The following SEMA3A variants were observed in gnomAD, a reference collection of about 807,000 sequenced individuals.
SEMA3A encodes the protein semaphorin-3A.
In SEMA3A, 29 loss-of-function variants were observed where a neutral mutation model predicts 97.9. That is an observed-to-expected ratio of 0.30 (90% confidence interval 0.22 to 0.40). The LOEUF is 0.40. SEMA3A is among the 10% of genes least tolerant of loss of function. SEMA3A has a pLI of 1.00. For synonymous variants in SEMA3A, 321 were observed against 323.7 expected (o/e 0.99, Z 0.09); for missense variants, 763 against 951.3 (o/e 0.80, Z 2.60).
intron 4 of SEMA3A, among the ~76,000 whole-genome samples, chr7:84,095,745 G>C (rs974530895): frequency 5.9e-5 from 9 of 151,448 alleles, no homozygotes; most frequent in Non-Finnish European, 1.3e-4. Context: ...TGTTCAGGTT[G>C]CTTCTCTAAT....
Position 83,958,189 on chromosome 7 carries a change from C to T in SEMA3A, c.*3182G>A, listed in dbSNP as rs1788339647. 6.6e-6 allele frequency: 1 copy of T among 152,400 alleles called. No homozygotes were observed. The highest frequency in any genetic ancestry group is 2.1e-4 in the South Asian group (1 of 4,816). The allele number at this position is 152,400 out of a possible 1,614,324, so 9.4% of individuals were successfully genotyped here. ...TAAAGGGCATAAAAATTCACATCAT[C>T]ACCATAAATATAGAACCCAGTTTAC... is the stretch of plus-strand genomic sequence containing the variant. On this transcript the variant is annotated 3_prime_UTR_variant, in exon 17 of 17. Transcript: ENST00000265362.
intron 6 of SEMA3A, among the ~76,000 whole-genome samples, chr7:84,041,121 T>A (rs1792119868): frequency 6.6e-6 from 1 of 152,046 alleles, no homozygotes; most frequent in African/African-American, 2.4e-5. Context: ...TAAAACCAGT[T>A]TTCAAATATA....
upstream of SEMA3A, among the ~76,000 whole-genome samples, chr7:84,199,112 A>C (rs78605173): frequency 0.057 from 8,724 of 152,280 alleles, 271 homozygotes; most frequent in Non-Finnish European, 0.071. Context: ...TTTGTGAGAT[A>C]GCCGTCTAAG....
At chr7:84,068,275 G>A (rs985552025) in intron 4 of SEMA3A, among the ~76,000 whole-genome samples, 1 of 146,258 alleles carries the variant, frequency 6.8e-6, no homozygotes, top group Non-Finnish European at 1.5e-5. Flanking sequence ...GACTGTTGTG[G>A]GGTGGGGTGA....
chr7:84,477,660 A>G (rs188543993), intron 1 of SEMA3A, among the ~76,000 whole-genome samples: 2 of 152,248 alleles, frequency 1.3e-5, no homozygotes, highest in Admixed American at 6.5e-5. Flanking sequence ...TAACTAAGAT[A>G]TATTTCCATA....
intron 1 of SEMA3A, among the ~76,000 whole-genome samples, chr7:84,173,584 T>A (rs74954595): frequency 2.8e-5 from 4 of 142,726 alleles, no homozygotes; most frequent in African/African-American, 1.1e-4. Flanking sequence ...AAAAAAAAAA[T>A]TTACAAAAAT....
At chr7:84,453,763 T>C (rs1383235801) in intron 1 of SEMA3A, among the ~76,000 whole-genome samples, 1 of 152,118 alleles carries the variant, frequency 6.6e-6, no homozygotes, top group East Asian at 1.9e-4. Flanking sequence ...CTGCCTTTCT[T>C]TGCAAAAAAA....
chr7:84,065,833 C>A (rs1045970480), intron 4 of SEMA3A, among the ~76,000 whole-genome samples: 7 of 151,812 alleles, frequency 4.6e-5, no homozygotes, highest in South Asian at 2.1e-4. Context: ...CTGAATTCTA[C>A]CAGAGGTACG....
chr7:84,408,984 T>C (rs1386916381), intron 1 of SEMA3A, among the ~76,000 whole-genome samples: 2 of 151,660 alleles, frequency 1.3e-5, no homozygotes, highest in Non-Finnish European at 2.9e-5. Flanking sequence ...ACATGGCACA[T>C]GTATACATAT....
Position 84,102,611 on chromosome 7 carries a change from T to A in SEMA3A, c.453+7859A>T, listed in dbSNP as rs928394938. On this transcript the variant is annotated intron_variant, in intron 4 of 16. Transcript: ENST00000265362. ...CGCTTTTTTTTTTTTTTTTTTTTTTTAACAGAGTCTCACTCTTGTTGCCCA... is the reference window on the plus strand; with the variant it reads ...CGCTTTTTTTTTTTTTTTTTTTTTTAAACAGAGTCTCACTCTTGTTGCCCA... 5.9e-5 allele frequency among the ~76,000 whole-genome samples: 7 copies of A among 118,688 alleles called. No individual in the cohort carries two copies. In the East Asian group the frequency reaches 1.2e-3, roughly 21 times the overall value. The allele number at this position is 118,688 out of a possible 152,430, so 77.9% of individuals were successfully genotyped here. A position where few individuals can be genotyped will look rare whatever the true frequency, so the allele number is the denominator to read the frequency against.
chr7:84,334,906 A>G (rs931707715), intron 2 of SEMA3A, among the ~76,000 whole-genome samples: 2 of 150,720 alleles, frequency 1.3e-5, no homozygotes, highest in African/African-American at 4.9e-5. Flanking sequence ...TTCTACTTAG[A>G]CTACCCCCTC....
In SEMA3A at chr7:84,091,167, G is replaced by GGAAGGAAA. The variant is rs1554324917; in HGVS notation, c.453+19302_453+19303insTTTCCTTC. Among the ~76,000 whole-genome samples, 118 of 42,866 alleles carry GGAAGGAAA rather than the reference G, an allele frequency of 2.8e-3. 1 individual carries two copies. The highest frequency in any genetic ancestry group is 3.3e-3 in the African/African-American group (43 of 12,922). The allele number at this position is 42,866 out of a possible 152,430, so 28.1% of individuals were successfully genotyped here. ...AGGAAGGAAGGAAGGAAGGAAGGAAGGAAAGAAAGAAAGAAAGAAAGAAAG... is the reference window on the plus strand; with the variant it reads ...AGGAAGGAAGGAAGGAAGGAAGGAAGGAAGGAAAGAAAGAAAGAAAGAAAGAAAGAAAG... On this transcript the variant is annotated intron_variant, in intron 4 of 16. Coordinates refer to ENST00000265362, the MANE Select transcript of SEMA3A (RefSeq NM_006080.3).
chr7:84,479,348 C>T (rs539017974), intron 1 of SEMA3A, among the ~76,000 whole-genome samples: 1 of 152,232 alleles, frequency 6.6e-6, no homozygotes, highest in South Asian at 2.1e-4. Context: ...AATTAAACAG[C>T]AAACGGGGGA....
At chr7:84,028,507 AC>A (rs1410055384) in intron 6 of SEMA3A, among the ~76,000 whole-genome samples, 1 of 152,218 alleles carries the variant, frequency 6.6e-6, no homozygotes, top group Non-Finnish European at 1.5e-5. Context: ...ATGGTCTTTA[AC>A]ATTTTATAAT....
At chr7:84,384,478 G>T (rs1489380219) in intron 1 of SEMA3A, among the ~76,000 whole-genome samples, 1 of 152,150 alleles carries the variant, frequency 6.6e-6, no homozygotes, top group Admixed American at 6.6e-5. Flanking sequence ...GAGTATGTTA[G>T]TCAGGAAAGG....
rs773360058 is a variant in SEMA3A, at chr7:84,129,224, G to C, written c.271-39C>G. 4 of 1,526,086 alleles carry C rather than the reference G, an allele frequency of 2.6e-6. No individual in the cohort carries two copies. In the South Asian group the frequency reaches 4.5e-5, roughly 17 times the overall value. The allele number at this position is 1,526,086 out of a possible 1,614,324, so 94.5% of individuals were successfully genotyped here. A position where few individuals can be genotyped will look rare whatever the true frequency, so the allele number is the denominator to read the frequency against. ...ATAAACATTGTTTTATGTCAACTAA[G>C]TTGTCTAAGAGATCCAACACCATAT... On this transcript the variant is annotated intron_variant, in intron 2 of 16. Transcript: ENST00000265362.
chr7:84,404,341 A>G (rs1457346779), intron 1 of SEMA3A, among the ~76,000 whole-genome samples: 1 of 152,022 alleles, frequency 6.6e-6, no homozygotes, highest in African/African-American at 2.4e-5. Context: ...AGAAGTTTAG[A>G]AAAAAAAGAA....
At chr7:84,155,397 C>T (rs1337636932) in intron 1 of SEMA3A, among the ~76,000 whole-genome samples, 1 of 152,088 alleles carries the variant, frequency 6.6e-6, no homozygotes, top group Non-Finnish European at 1.5e-5. Context: ...ACTAGTCCAC[C>T]GCTTCCACAT....
intron 4 of SEMA3A, among the ~76,000 whole-genome samples, chr7:84,071,239 G>A (rs943363923): frequency 1.3e-5 from 2 of 151,940 alleles, no homozygotes; most frequent in African/African-American, 4.8e-5. Flanking sequence ...ATGGATAAAG[G>A]CAAATATAGA....
Sources: gnomAD v4.1 joint callset for allele counts (sites outside exome capture counted in the v4.1 genomes callset) on GRCh38, gnomAD v4.1.1 for gene constraint, MANE v1.5 for transcripts, NCBI Gene and HGNC (gene_info 2026-07-23, HGNC 2026-07-21) for gene names.